The following CDK5RAP2 variants were observed in gnomAD, a reference collection of about 807,000 sequenced individuals.
CDK5RAP2 encodes the protein CDK5 regulatory subunit-associated protein 2.
In CDK5RAP2, 147 loss-of-function variants were observed where a neutral mutation model predicts 232.9. That is an observed-to-expected ratio of 0.63 (90% CI 0.55 to 0.72). CDK5RAP2 has a LOEUF of 0.72. Ranked by LOEUF, CDK5RAP2 falls within the 30% of genes least tolerant of loss-of-function variation. CDK5RAP2 has a pLI of 0.00. For synonymous variants in CDK5RAP2, 833 were observed against 833.7 expected (o/e 1.00, Z 0.01); for missense variants, 2,195 against 2,231.5 (o/e 0.98, Z 0.33).
At chr9:120,440,441 TG>T (rs1458120196) in intron 23 of CDK5RAP2, 1 of 197,366 alleles carries the variant, frequency 5.1e-6, no homozygotes, top group Admixed American at 5.3e-5. Flanking sequence ...GCCCTCTGCC[TG>T]GAACACCTTC....
intron 18 of CDK5RAP2, among the ~76,000 whole-genome samples, chr9:120,466,970 G>C (rs1424783295): frequency 6.6e-6 from 1 of 152,212 alleles, no homozygotes; most frequent in Non-Finnish European, 1.5e-5. Flanking sequence ...CACTTCATGG[G>C]AGAGCAGTTC....
chr9:120,497,587 A>G (rs2039370683), intron 12 of CDK5RAP2, among the ~76,000 whole-genome samples: 1 of 152,174 alleles, frequency 6.6e-6, no homozygotes, highest in South Asian at 2.1e-4. Flanking sequence ...GAAACCCAGA[A>G]GATTCCACTT....
intron 5 of CDK5RAP2, among the ~76,000 whole-genome samples, chr9:120,541,123 G>T (rs1485345160): frequency 6.6e-6 from 1 of 152,152 alleles, no homozygotes; most frequent in Admixed American, 6.5e-5. Context: ...ATTTCTCCAG[G>T]AATGAATTTC....
chr9:120,443,605 G>A lies in CDK5RAP2; in HGVS notation c.3148+15C>T. Reference sequence around the variant, plus strand: ...CATGGAAGCTGTTCAATACACACAGGGGCTGAATTCTGACCAATCTCGTAG... The same window carrying A: ...CATGGAAGCTGTTCAATACACACAGAGGCTGAATTCTGACCAATCTCGTAG... On this transcript the variant is annotated intron_variant, in intron 23 of 37. Coordinates refer to ENST00000349780, the MANE Select transcript of CDK5RAP2 (RefSeq NM_018249.6). The A allele has an allele frequency of 6.2e-7, 1 of 1,613,838 alleles. No homozygotes were observed. The highest frequency in any genetic ancestry group is 8.5e-7 in the Non-Finnish European group (1 of 1,179,836).
chr9:120,451,500 T>A (rs1400195854), intron 21 of CDK5RAP2, among the ~76,000 whole-genome samples: 1 of 152,210 alleles, frequency 6.6e-6, no homozygotes, highest in Non-Finnish European at 1.5e-5. Flanking sequence ...GCTGCAGTGA[T>A]GTTCCTTTTA....
At position 120,389,292 on chromosome 9, in the gene CDK5RAP2, G is replaced by C; in HGVS notation, c.5626C>G (p.Leu1876Val). 6.2e-7 allele frequency: 1 copy of C among 1,611,676 alleles called. No homozygotes were observed. Among genetic ancestry groups the C allele is most frequent in the Non-Finnish European group, 8.5e-7 (1 of 1,178,680 alleles). Residue 1876 changes from leucine to valine, a missense_variant and splice_region_variant, in exon 38 of 38, where the codon CTT (leucine) becomes GTT (valine). Leu to Val is a conservative substitution (Grantham distance 32). Transcript: ENST00000349780. ...ILRKARGNLELRPGGAHPGTC... is the reference protein window; with the variant it reads ...ILRKARGNLEVRPGGAHPGTC... ...CCTGGATGGGCTCCCCCAGGCCTAA[G>C]CTAGGAAAAGGAAGAAAAAAAAGGA...
chr9:120,484,235 A>G (rs1357406631), intron 14 of CDK5RAP2, among the ~76,000 whole-genome samples: 2 of 152,238 alleles, frequency 1.3e-5, no homozygotes, highest in Non-Finnish European at 2.9e-5. Context: ...CCAAGGGCAC[A>G]GCAGAATAAA....
rs1302777677 is a variant in CDK5RAP2, at chr9:120,477,345, C to CT, written c.1727+4dup. On this transcript the variant is annotated splice_donor_region_variant and intron_variant, in intron 15 of 37. Coordinates refer to ENST00000349780, the MANE Select transcript of CDK5RAP2 (RefSeq NM_018249.6). The stretch of plus-strand genomic sequence containing the variant: ...CATGTGTGATGTCCAGACAGAAACG[C>CT]TTACCTGTCTGATTCCTGCAGAGAT... The CT allele has an allele frequency of 6.2e-7, 1 of 1,608,952 alleles. No individual in the cohort carries two copies. Among genetic ancestry groups the CT allele is most frequent in the East Asian group, 2.2e-5 (1 of 44,886 alleles).
rs749196371 is a variant in CDK5RAP2, at chr9:120,389,306, GA to G, written c.5626-15del. The G allele has an allele frequency of 5.0e-6, 8 of 1,606,696 alleles. No homozygotes were observed. The highest frequency in any genetic ancestry group is 2.7e-5 in the African/African-American group (2 of 74,704). The stretch of plus-strand genomic sequence containing the variant: ...CCCAGGCCTAAGCTAGGAAAAGGAA[GA>G]AAAAAAAGGAGAATTTTAAGTCCAA... On this transcript the variant is annotated splice_polypyrimidine_tract_variant and intron_variant, in intron 37 of 37. Transcript: ENST00000349780.
At position 120,458,504 on chromosome 9, in the gene CDK5RAP2, A is replaced by G; in HGVS notation, c.2321T>C (p.Ile774Thr). Residue 774 changes from isoleucine to threonine, a missense_variant, in exon 20 of 38, where the codon ATA (isoleucine) becomes ACA (threonine). Coordinates refer to ENST00000349780, the MANE Select transcript of CDK5RAP2 (RefSeq NM_018249.6). ...ATTGAACAAAGGGGCAAGCAGGTTT[A>G]TGAATGCACCTTCTTCTAGGCAGCC... ...APGCLEEGAFINLLAPLFNEK... is the reference protein window; with the variant it reads ...APGCLEEGAFTNLLAPLFNEK... The G allele has an allele frequency of 6.2e-7, 1 of 1,614,226 alleles. No homozygotes were observed. The highest frequency in any genetic ancestry group is 8.5e-7 in the Non-Finnish European group (1 of 1,180,026).
At chr9:120,560,345 A>T (rs1220023653) in intron 3 of CDK5RAP2, among the ~76,000 whole-genome samples, 2 of 152,202 alleles carry the variant, frequency 1.3e-5, no homozygotes, top group African/African-American at 4.8e-5. Context: ...TAGCGTTAAA[A>T]ATCACGTAGA....
intron 22 of CDK5RAP2, among the ~76,000 whole-genome samples, chr9:120,446,321 G>C (rs182218904): frequency 1.8e-3 from 269 of 152,216 alleles, no homozygotes; most frequent in Admixed American, 3.0e-3. Flanking sequence ...CCACCTCGTG[G>C]GTTCAAGCAA....
At chr9:120,525,518 T>C (rs2040859393) in intron 10 of CDK5RAP2, among the ~76,000 whole-genome samples, 1 of 152,048 alleles carries the variant, frequency 6.6e-6, no homozygotes, top group Non-Finnish European at 1.5e-5. Context: ...ACCCTGGACT[T>C]TGCCAGCACC....
chr9:120,522,649 T>C (rs902571601), intron 11 of CDK5RAP2, among the ~76,000 whole-genome samples: 14 of 152,102 alleles, frequency 9.2e-5, no homozygotes, highest in Non-Finnish European at 2.1e-4. Context: ...TTAAAATGAG[T>C]ATGGAGGTAG....
intron 3 of CDK5RAP2, among the ~76,000 whole-genome samples, chr9:120,554,622 C>G (rs1342203963): frequency 1.3e-5 from 2 of 151,914 alleles, no homozygotes; most frequent in Non-Finnish European, 2.9e-5. Context: ...AAATGTGAAA[C>G]TTTTTGTTTT....
rs560388981 is a variant in CDK5RAP2 at position 120,408,352 on chromosome 9, A to T, written c.4721T>A (p.Leu1574Gln). The change falls in exon 31 of 38, where the codon CTG becomes CAG. Residue 1574 changes from leucine (L) to glutamine (Q), a missense_variant. By Grantham distance (113) the Leu-to-Gln change is moderately radical. Coordinates refer to ENST00000349780, the MANE Select transcript of CDK5RAP2 (RefSeq NM_018249.6). The stretch of plus-strand genomic sequence containing the variant: ...GGTGAGAAGGGCCTCAGTACCTCTC[A>T]GTCTCCTGTGCTCTTCATCCAGCTT... ...YEKLDEEHRR[L>Q]REASGEGWKG... 1 of 1,614,020 alleles carries T rather than the reference A, an allele frequency of 6.2e-7. No homozygotes were observed. The highest frequency in any genetic ancestry group is 1.3e-5 in the African/African-American group (1 of 75,036).
At chr9:120,444,176 G>A (rs1346910065) in intron 22 of CDK5RAP2, among the ~76,000 whole-genome samples, 1 of 152,252 alleles carries the variant, frequency 6.6e-6, no homozygotes, top group African/African-American at 2.4e-5. Flanking sequence ...CACTTCGGGA[G>A]GCCGAGGCAG....
At chr9:120,540,977 C>A (rs1370165216) in intron 5 of CDK5RAP2, among the ~76,000 whole-genome samples, 1 of 152,238 alleles carries the variant, frequency 6.6e-6, no homozygotes, top group African/African-American at 2.4e-5. Flanking sequence ...ACCCCCCACT[C>A]CCGGGGCTCA....
intron 3 of CDK5RAP2, among the ~76,000 whole-genome samples, chr9:120,566,912 C>T (rs1225785551): frequency 6.6e-6 from 1 of 152,076 alleles, no homozygotes; most frequent in Non-Finnish European, 1.5e-5. Flanking sequence ...GATGTGAAAC[C>T]AAAATTCTAA....
Sources: allele counts gnomAD v4.1 joint callset (sites outside exome capture counted in the v4.1 genomes callset), GRCh38; gene constraint gnomAD v4.1.1; transcripts MANE v1.5; gene names NCBI Gene and HGNC (gene_info 2026-07-23, HGNC 2026-07-21).